MAP4K4: variants seen among roughly 807,000 people sequenced by gnomAD.
The protein encoded by MAP4K4 is HPK/GCK-like kinase HGK.
A neutral mutation model predicts 189.6 loss-of-function variants in MAP4K4; 38 were observed. The observed-to-expected ratio is 0.20, with a 90% CI of 0.15 to 0.26. The LOEUF (loss-of-function observed/expected upper bound fraction) is 0.26, where lower values mean the gene tolerates loss of function less well. MAP4K4 is among the 10% of genes least tolerant of loss of function. The pLI is 1.00. For synonymous variants in MAP4K4, 610 were observed against 624.3 expected, an observed-to-expected ratio of 0.98 and a Z score of 0.34; for missense variants, 1,054 against 1,726.9, an observed-to-expected ratio of 0.61 and a Z score of 6.91.
In MAP4K4 at chr2:101,866,530, G is replaced by T. The variant is rs779187317; in HGVS notation, c.2307G>T (p.Gly769=). The stretch of plus-strand genomic sequence containing the variant: ...CCAGCAACTCAGGATCCCAGCCCGG[G>T]TCTCACCCTGGGTCTCAGAGTGGCT... The change falls in exon 19 of 33, where the codon GGG becomes GGT. Residue 769 remains glycine (G), a synonymous_variant. Coordinates refer to ENST00000324219, the Ensembl canonical transcript of MAP4K4. 14 of 1,613,608 alleles carry T rather than the reference G, an allele frequency of 8.7e-6. No homozygotes were observed. The Middle Eastern group carries it at 4.9e-4, about 57-fold the overall frequency.
In MAP4K4 at chr2:101,784,168, T is replaced by C. The variant is rs1428907502; in HGVS notation, c.124-6552T>C. On this transcript the variant is annotated intron_variant, in intron 2 of 32. Transcript: ENST00000324219. Reference sequence around the variant, plus strand: ...ATGTGTCCTTCCTGAACAGCTGCTTTTGCACATCCTATGAAAGCAGAGCAA... The same window carrying C: ...ATGTGTCCTTCCTGAACAGCTGCTTCTGCACATCCTATGAAAGCAGAGCAA... Among the ~76,000 whole-genome samples, 3 of 152,188 alleles carry C rather than the reference T, an allele frequency of 2.0e-5. No homozygotes were observed. In the East Asian group the frequency reaches 5.8e-4, roughly 29 times the overall value.
intron 3 of MAP4K4, 65 bp from the exon 4 acceptor site, chr2:101,823,863 G>C: frequency 1.4e-6 from 2 of 1,385,312 alleles, no homozygotes; most frequent in Non-Finnish European, 2.0e-6. Flanking sequence ...TGTATGTAGT[G>C]TGGGGGAAGT....
chr2:101,882,501 G>T, intron 27 of MAP4K4, 50 bp from the exon 28 acceptor site: 1 of 1,394,264 alleles, frequency 7.2e-7, no homozygotes, highest in East Asian at 2.5e-5. Flanking sequence ...TATTAATGAT[G>T]AGACCTACTT....
chr2:101,736,573 T>A (rs2060340700), intron 2 of MAP4K4, among the ~76,000 whole-genome samples: 1 of 152,232 alleles, frequency 6.6e-6, no homozygotes, highest in African/African-American at 2.4e-5. Context: ...ATGTAGCTGA[T>A]CCTTATGTGT....
At chr2:101,863,334 A>G (rs888465167) in intron 16 of MAP4K4, among the ~76,000 whole-genome samples, 3 of 152,200 alleles carry the variant, frequency 2.0e-5, no homozygotes, top group Non-Finnish European at 4.4e-5. Context: ...TTGCTCGTTG[A>G]ACGTGCCATT....
intron 2 of MAP4K4, among the ~76,000 whole-genome samples, chr2:101,755,317 A>G (rs781188974): frequency 6.6e-6 from 1 of 152,112 alleles, no homozygotes; most frequent in African/African-American, 2.4e-5. Flanking sequence ...CCGAATTCAC[A>G]TGACCACTGC....
exon 32 of MAP4K4, chr2:101,888,865 G>A: frequency 6.2e-7 from 1 of 1,613,694 alleles, no homozygotes; most frequent in Non-Finnish European, 8.5e-7. Flanking sequence ...GTGGAAACTG[G>A]TCACTTGGAT....
At chr2:101,764,104 AC>A (rs1270084584) in intron 2 of MAP4K4, among the ~76,000 whole-genome samples, 1 of 152,136 alleles carries the variant, frequency 6.6e-6, no homozygotes. Flanking sequence ...GGTTTATTTA[AC>A]ATACTTACAA....
intron 7 of MAP4K4, 59 bp downstream of exon 7, chr2:101,831,910 G>T: frequency 1.9e-6 from 3 of 1,573,970 alleles, no homozygotes; most frequent in African/African-American, 2.7e-5. Context: ...GAGGGATGGG[G>T]GCTTTGCTTA....
intron 12 of MAP4K4, among the ~76,000 whole-genome samples, chr2:101,854,623 G>A (rs2097390786): frequency 6.6e-6 from 1 of 152,210 alleles, no homozygotes; most frequent in South Asian, 2.1e-4. Flanking sequence ...ATTTTTAAGT[G>A]TTGGCTTTCA....
At chr2:101,849,723 T>A (rs2097220038) in intron 12 of MAP4K4, among the ~76,000 whole-genome samples, 1 of 151,886 alleles carries the variant, frequency 6.6e-6, no homozygotes, top group Non-Finnish European at 1.5e-5. Flanking sequence ...TTTTCTTTGT[T>A]CTTTGTCTAA....
intron 3 of MAP4K4, among the ~76,000 whole-genome samples, chr2:101,810,157 A>C (rs1026371430): frequency 2.0e-5 from 3 of 152,124 alleles, no homozygotes; most frequent in Non-Finnish European, 4.4e-5. Flanking sequence ...ACAGGAGGGA[A>C]CCCTTTGGCT....
chr2:101,800,068 C>G (rs1418104188), intron 3 of MAP4K4, among the ~76,000 whole-genome samples: 1 of 151,676 alleles, frequency 6.6e-6, no homozygotes, highest in African/African-American at 2.4e-5. Flanking sequence ...CATATATTTG[C>G]TCTTTCTAAA....
intron 31 of MAP4K4, among the ~76,000 whole-genome samples, chr2:101,888,218 T>C (rs1292253864): frequency 1.3e-5 from 2 of 152,196 alleles, no homozygotes; most frequent in Non-Finnish European, 2.9e-5. Flanking sequence ...GACATGTTTT[T>C]GTTGACCACT....
At chr2:101,698,438 T>G (rs2035881175) in intron 1 of MAP4K4, 35 bp from the exon 2 acceptor site, 1 of 1,585,256 alleles carries the variant, frequency 6.3e-7, no homozygotes, top group Non-Finnish European at 8.7e-7. Context: ...TTTGGCTTCT[T>G]TTAAATGATA....
chr2:101,813,309 G>A (rs1484079502), intron 3 of MAP4K4, among the ~76,000 whole-genome samples: 1 of 152,080 alleles, frequency 6.6e-6, no homozygotes, highest in Non-Finnish European at 1.5e-5. Flanking sequence ...AGTACTCAAT[G>A]TCAGTAGTAA....
chr2:101,843,972 G>A, intron 11 of MAP4K4, 129 bp from the exon 12 acceptor site: 1 of 629,152 alleles, frequency 1.6e-6, no homozygotes, highest in Non-Finnish European at 2.9e-6. Context: ...GGATGTATTA[G>A]TTGTCTCCCT....
intron 2 of MAP4K4, among the ~76,000 whole-genome samples, chr2:101,712,903 C>CTTTTTTT (rs34317575): frequency 7.7e-6 from 1 of 130,548 alleles, no homozygotes; most frequent in African/African-American, 2.8e-5. Flanking sequence ...AAACCAAAAT[C>CTTTTTTT]TTTTTTTTTT....
intron 2 of MAP4K4, among the ~76,000 whole-genome samples, chr2:101,732,963 A>G (rs2059097868): frequency 1.3e-5 from 2 of 152,202 alleles, no homozygotes; most frequent in Admixed American, 1.3e-4. Context: ...TCTTTGATGT[A>G]TTTAGAGCTT....
Sources: gnomAD v4.1 joint callset for allele counts (sites outside exome capture counted in the v4.1 genomes callset) on GRCh38, gnomAD v4.1.1 for gene constraint, MANE v1.5 for transcripts, NCBI Gene and HGNC (gene_info 2026-07-23, HGNC 2026-07-21) for gene names.